ASB7: variants seen among roughly 807,000 people sequenced by gnomAD.
The protein encoded by ASB7 is ankyrin repeat and SOCS box protein 7.
In ASB7, 4 loss-of-function variants were observed where a neutral mutation model predicts 32.5. The ratio of observed to expected loss-of-function variants is 0.12; its 90% CI spans 0.06 to 0.28. The LOEUF (loss-of-function observed/expected upper bound fraction) is 0.28. Among genes scored for constraint, ASB7 ranks in the 10% least tolerant of loss-of-function variants. ASB7 has a pLI of 1.00. For synonymous variants in ASB7, 172 were observed against 155.6 expected (o/e 1.11, Z -0.78); for missense variants, 181 against 407.1 (o/e 0.44, Z 4.78).
chr15:100,630,076 T>C, intron 5 of ASB7, 34 bp downstream of exon 5: 2 of 1,508,094 alleles, frequency 1.3e-6, no homozygotes, highest in South Asian at 1.4e-5. Flanking sequence ...ATTGCATTTT[T>C]TAAAAATTTG....
chr15:100,621,771 G>A (rs1231557882), intron 4 of ASB7, among the ~76,000 whole-genome samples: 1 of 151,806 alleles, frequency 6.6e-6, no homozygotes. Flanking sequence ...TTGAAAATGG[G>A]CAAATGATAG....
At chr15:100,644,092 A>G (rs1476990055) in intron 5 of ASB7, among the ~76,000 whole-genome samples, 3 of 152,130 alleles carry the variant, frequency 2.0e-5, no homozygotes, top group African/African-American at 7.2e-5. Context: ...TACTAAAAAT[A>G]CAAAAGTTAG....
chr15:100,604,152 TA>T, intron 2 of ASB7, among the ~76,000 whole-genome samples: 1 of 152,246 alleles, frequency 6.6e-6, no homozygotes, highest in East Asian at 1.9e-4. Flanking sequence ...TAGCACTCTA[TA>T]AAAAAGATTT....
intron 5 of ASB7, chr15:100,645,474 T>C (rs1839549355): frequency 1.9e-6 from 1 of 530,840 alleles, no homozygotes; most frequent in African/African-American, 1.9e-5. Flanking sequence ...GCTCCTCCAC[T>C]CGGAAGGAGC....
intron 4 of ASB7, among the ~76,000 whole-genome samples, chr15:100,623,391 G>A (rs1052546544): frequency 3.3e-5 from 5 of 152,106 alleles, no homozygotes; most frequent in South Asian, 2.1e-4. Context: ...CAACAAGAGC[G>A]AAATTACATC....
At chr15:100,624,866 C>G (rs2039823995) in intron 4 of ASB7, among the ~76,000 whole-genome samples, 1 of 151,388 alleles carries the variant, frequency 6.6e-6, no homozygotes, top group Non-Finnish European at 1.5e-5. Flanking sequence ...TACCAAAATT[C>G]CTAACGAAAT....
chr15:100,614,063 A>G (rs2039719598), intron 4 of ASB7, among the ~76,000 whole-genome samples: 1 of 152,198 alleles, frequency 6.6e-6, no homozygotes, highest in African/African-American at 2.4e-5. Context: ...GCCTGAGGTC[A>G]GGAGTTTGAG....
chr15:100,645,922 G>T (rs1010253703), intron 5 of ASB7: 3 of 634,342 alleles, frequency 4.7e-6, no homozygotes, highest in Non-Finnish European at 8.9e-6. Flanking sequence ...GCCAGAGAAG[G>T]TCACTATGGG....
intron 4 of ASB7, among the ~76,000 whole-genome samples, chr15:100,621,243 C>A (rs1391836275): frequency 2.0e-5 from 3 of 152,102 alleles, no homozygotes; most frequent in Non-Finnish European, 2.9e-5. Flanking sequence ...AAATATAATT[C>A]TTTTAACGTG....
At chr15:100,622,936 A>G (rs1315915159) in intron 4 of ASB7, among the ~76,000 whole-genome samples, 1 of 152,252 alleles carries the variant, frequency 6.6e-6, no homozygotes, top group Non-Finnish European at 1.5e-5. Flanking sequence ...AAATGGGACT[A>G]TATTTTAGAA....
intron 5 of ASB7, among the ~76,000 whole-genome samples, chr15:100,636,176 T>C (rs1229758355): frequency 6.6e-6 from 1 of 152,216 alleles, no homozygotes; most frequent in Non-Finnish European, 1.5e-5. Flanking sequence ...GGTACACAGA[T>C]CTCAGCCATG....
intron 5 of ASB7, among the ~76,000 whole-genome samples, chr15:100,640,303 C>T (rs1357094377): frequency 1.3e-5 from 2 of 152,092 alleles, no homozygotes; most frequent in Non-Finnish European, 1.5e-5. Context: ...TGCCACCATA[C>T]CCAGCTAATT....
chr15:100,625,464 A>G (rs1477186548), intron 4 of ASB7, among the ~76,000 whole-genome samples: 2 of 152,340 alleles, frequency 1.3e-5, no homozygotes, highest in East Asian at 1.9e-4. Context: ...GCTCATTATA[A>G]TAGCAACAAA....
chr15:100,649,932 C>T lies in ASB7; in HGVS notation c.*1470C>T, dbSNP rs1234606959. ...CTCGTCTGAATTTCTAGATTTAAGTCATGAAGTGTAAAACTGTTTCACCCA... is the reference window on the plus strand; with the variant it reads ...CTCGTCTGAATTTCTAGATTTAAGTTATGAAGTGTAAAACTGTTTCACCCA... On this transcript the variant is annotated 3_prime_UTR_variant, in exon 6 of 6. Coordinates refer to ENST00000332783, the MANE Select transcript of ASB7 (RefSeq NM_198243.3). 1 of 152,216 alleles carries T rather than the reference C, an allele frequency of 6.6e-6. No individual in the cohort carries two copies. Among genetic ancestry groups the T allele is most frequent in the African/African-American group, 2.4e-5 (1 of 41,456 alleles). 9.4% of individuals were successfully genotyped at this position (152,216 alleles called of 1,614,324 possible).
chr15:100,639,846 T>C (rs528803084), intron 5 of ASB7, among the ~76,000 whole-genome samples: 1 of 152,330 alleles, frequency 6.6e-6, no homozygotes, highest in South Asian at 2.1e-4. Context: ...ACTTTCTATT[T>C]TTAATATAGG....
chr15:100,636,953 G>C (rs183632942), intron 5 of ASB7, among the ~76,000 whole-genome samples: 1 of 152,342 alleles, frequency 6.6e-6, no homozygotes, highest in African/African-American at 2.4e-5. Flanking sequence ...GCATGTTAGC[G>C]TGAATCGAGA....
intron 5 of ASB7, among the ~76,000 whole-genome samples, chr15:100,641,973 A>G (rs547877829): frequency 3.9e-4 from 60 of 152,350 alleles, no homozygotes; most frequent in Admixed American, 9.2e-4. Context: ...AGCCAAATCC[A>G]GGCAGCCTGG....
intron 5 of ASB7, among the ~76,000 whole-genome samples, chr15:100,639,818 C>G (rs1023337002): frequency 6.6e-6 from 1 of 152,108 alleles, no homozygotes; most frequent in South Asian, 2.1e-4. Flanking sequence ...ATATCCTGCC[C>G]TTTATAGTAT....
intron 4 of ASB7, among the ~76,000 whole-genome samples, chr15:100,627,705 A>G (rs948472537): frequency 6.6e-6 from 1 of 152,244 alleles, no homozygotes; most frequent in Non-Finnish European, 1.5e-5. Flanking sequence ...GGATACAAAT[A>G]AGGATGGTGG....
Sources: allele counts gnomAD v4.1 joint callset (sites outside exome capture counted in the v4.1 genomes callset), GRCh38; gene constraint gnomAD v4.1.1; transcripts MANE v1.5; gene names NCBI Gene and HGNC (gene_info 2026-07-23, HGNC 2026-07-21).